LPA: variants seen among roughly 807,000 people sequenced by gnomAD.
The protein encoded by LPA is lipoprotein(a), also known as apolipoprotein(a).
LPA carries 199 observed loss-of-function variants against 197.9 expected under a neutral mutation model. The ratio of observed to expected loss-of-function variants is 1.01; its 90% CI spans 0.90 to 1.13. The LOEUF is 1.13. Ranked by LOEUF, LPA falls within the 50% of genes most tolerant of loss-of-function variation. The pLI is 0.00. For missense variants in LPA, 1,853 were observed against 1,785.8 expected (o/e 1.04, Z -0.68); for synonymous variants, 715 against 639.5 (o/e 1.12, Z -1.78).
At chr6:160,543,103 T>G (rs41265930) in intron 33 of LPA, among the ~76,000 whole-genome samples, 1 of 152,278 alleles carries the variant, frequency 6.6e-6, no homozygotes, top group East Asian at 1.9e-4. Flanking sequence ...TGTGCATGTG[T>G]GTATGTGATT....
At chr6:160,602,035 T>A (rs926351191) in intron 18 of LPA, among the ~76,000 whole-genome samples, 79 of 152,100 alleles carry the variant, frequency 5.2e-4, no homozygotes, top group Non-Finnish European at 1.5e-4. Flanking sequence ...CCTCTCAGAA[T>A]CCTCCCATTC....
At chr6:160,600,187 C>T (rs2115054113) in intron 19 of LPA, among the ~76,000 whole-genome samples, 1 of 152,320 alleles carries the variant, frequency 6.6e-6, no homozygotes, top group Admixed American at 6.5e-5. Context: ...CAACACTTCA[C>T]TTCTCAGGGA....
intron 30 of LPA, among the ~76,000 whole-genome samples, chr6:160,555,455 A>ATATATATATATATATGTG (rs1287454419): frequency 7.5e-6 from 1 of 133,074 alleles, no homozygotes; most frequent in African/African-American, 2.8e-5. Flanking sequence ...ATATATATAT[A>ATATATATATATATATGTG]TGTGTGTGTA....
Position 160,591,061 on chromosome 6 carries a change from T to C in LPA, c.3670A>G (p.Ile1224Val), listed in dbSNP as rs1280042226. ...RNYCRNPDAE[I>V]SPWCYTMDPN... ...TCCATGGTATAACACCAAGGACTAATCTCAGCATCTGGATTCCTGCAGTAG... is the reference window on the plus strand; with the variant it reads ...TCCATGGTATAACACCAAGGACTAACCTCAGCATCTGGATTCCTGCAGTAG... The change falls in exon 23 of 39, where the codon ATT (isoleucine) becomes GTT (valine). Residue 1224 changes from isoleucine (I) to valine (V), a missense_variant. Coordinates refer to ENST00000316300, the MANE Select transcript of LPA (RefSeq NM_005577.4). 1 of 1,613,920 alleles carries C rather than the reference T, an allele frequency of 6.2e-7. No individual in the cohort carries two copies. Among genetic ancestry groups the C allele is most frequent in the Admixed American group, 1.7e-5 (1 of 60,012 alleles).
At chr6:160,539,163 G>A (rs1777938626) in intron 36 of LPA, among the ~76,000 whole-genome samples, 1 of 152,070 alleles carries the variant, frequency 6.6e-6, no homozygotes, top group African/African-American at 2.4e-5. Flanking sequence ...TCCCAACCAG[G>A]CCATGCTCAT....
intron 30 of LPA, among the ~76,000 whole-genome samples, chr6:160,554,975 T>C (rs1778230161): frequency 6.6e-6 from 1 of 152,138 alleles, no homozygotes; most frequent in Non-Finnish European, 1.5e-5. Flanking sequence ...TTTCCTTTTC[T>C]AAATTATCTC....
intron 31 of LPA, 68 bp downstream of exon 31, chr6:160,548,410 C>A (rs1220821449): frequency 1.3e-6 from 2 of 1,539,706 alleles, no homozygotes; most frequent in Non-Finnish European, 1.8e-6. Context: ...TTTTTCATGT[C>A]TTTTCATCCC....
chr6:160,571,627 A>T (rs546038139), intron 28 of LPA, among the ~76,000 whole-genome samples: 36 of 152,362 alleles, frequency 2.4e-4, no homozygotes, highest in African/African-American at 8.7e-4. Context: ...GCCAAGCTGC[A>T]GTGCACCCTG....
chr6:160,542,086 C>A (rs1777989976), intron 34 of LPA, among the ~76,000 whole-genome samples: 1 of 152,070 alleles, frequency 6.6e-6, no homozygotes, highest in South Asian at 2.1e-4. Flanking sequence ...TAAGAGACAC[C>A]CAAGCAAACT....
chr6:160,567,272 A>G (rs1450190967), intron 28 of LPA, among the ~76,000 whole-genome samples: 4 of 152,234 alleles, frequency 2.6e-5, no homozygotes, highest in African/African-American at 9.6e-5. Context: ...AATGTAAAAG[A>G]ACAGAAATTA....
intron 28 of LPA, among the ~76,000 whole-genome samples, chr6:160,561,845 G>A (rs1364885718): frequency 2.0e-5 from 3 of 152,166 alleles, no homozygotes; most frequent in African/African-American, 4.8e-5. Flanking sequence ...TTGTGAATGG[G>A]AATTCACTCA....
chr6:160,600,857 G>A, intron 19 of LPA, 60 bp downstream of exon 19: 1 of 1,562,268 alleles, frequency 6.4e-7, no homozygotes, highest in South Asian at 1.1e-5. Context: ...CGTCAGTGGG[G>A]GTATCCATGG....
At chr6:160,606,293 C>T (rs919995961) in intron 17 of LPA, among the ~76,000 whole-genome samples, 184 bp downstream of exon 17, 1 of 152,286 alleles carries the variant, frequency 6.6e-6, no homozygotes, top group African/African-American at 2.4e-5. Context: ...GCCCACCCAA[C>T]GTTGTACCAG....
chr6:160,584,046 T>C (rs1390757545), intron 26 of LPA, among the ~76,000 whole-genome samples: 2 of 152,142 alleles, frequency 1.3e-5, no homozygotes, highest in Non-Finnish European at 1.5e-5. Context: ...ACTTCCTGAC[T>C]CTCATCTGCA....
intron 19 of LPA, 109 bp downstream of exon 19, chr6:160,600,808 A>C: frequency 7.8e-7 from 1 of 1,282,348 alleles, no homozygotes; most frequent in Non-Finnish European, 1.1e-6. Context: ...CAGACCCAGA[A>C]CCAACACACG....
chr6:160,594,160 A>T (rs561666507), intron 21 of LPA, 43 bp from the exon 22 acceptor site: 3 of 1,610,356 alleles, frequency 1.9e-6, no homozygotes, highest in South Asian at 1.1e-5. Flanking sequence ...AATTTCTAGA[A>T]CACAGAAGCA....
At chr6:160,599,431 A>G in intron 20 of LPA, 69 bp downstream of exon 20, 2 of 1,597,522 alleles carry the variant, frequency 1.3e-6, no homozygotes, top group Non-Finnish European at 1.7e-6. Flanking sequence ...AGTCACCTTG[A>G]AGCATGACTC....
At chr6:160,554,146 T>A (rs984316810) in intron 30 of LPA, among the ~76,000 whole-genome samples, 4 of 152,176 alleles carry the variant, frequency 2.6e-5, no homozygotes, top group Non-Finnish European at 5.9e-5. Flanking sequence ...TGCTTTTTTT[T>A]ATATTCTGCA....
chr6:160,551,849 G>A lies in LPA; in HGVS notation c.4974-3190C>T, dbSNP rs374879264. The stretch of plus-strand genomic sequence containing the variant: ...GAAAATCCATTTACCATATATGTAT[G>A]TGGGTCTGGTGGTGGGCCATCCCTT... On this transcript the variant is annotated intron_variant, in intron 30 of 38. Transcript: ENST00000316300. Among the ~76,000 whole-genome samples, 4 of 151,326 alleles carry A rather than the reference G, an allele frequency of 2.6e-5. No homozygotes were observed. The South Asian group carries it at 6.3e-4, about 24-fold the overall frequency.
Sources: gnomAD v4.1 joint callset for allele counts (sites outside exome capture counted in the v4.1 genomes callset) on GRCh38, gnomAD v4.1.1 for gene constraint, MANE v1.5 for transcripts, NCBI Gene and HGNC (gene_info 2026-07-23, HGNC 2026-07-21) for gene names.